LRRC4C: variants seen among roughly 807,000 people sequenced by gnomAD.
LRRC4C encodes leucine-rich repeat-containing protein 4C.
A neutral mutation model predicts 33.6 loss-of-function variants in LRRC4C; 5 were observed. The observed-to-expected ratio is 0.15, with a 90% CI of 0.08 to 0.31. The LOEUF (loss-of-function observed/expected upper bound fraction) is 0.31. Among genes scored for constraint, LRRC4C ranks in the 10% least tolerant of loss-of-function variants. The pLI, the probability that LRRC4C is intolerant of heterozygous loss-of-function variation, is 1.00. For synonymous variants in LRRC4C, 329 were observed against 302.0 expected (o/e 1.09, Z -0.93); for missense variants, 560 against 796.7 (o/e 0.70, Z 3.58).
intron 3 of LRRC4C, among the ~76,000 whole-genome samples, chr11:40,623,797 T>C (rs1213427794): frequency 6.6e-6 from 1 of 152,066 alleles, no homozygotes; most frequent in Admixed American, 6.6e-5. Flanking sequence ...AGAATGCATT[T>C]CCTTAAGCGA....
chr11:40,470,379 G>C (rs1206905747), intron 3 of LRRC4C, among the ~76,000 whole-genome samples: 1 of 152,066 alleles, frequency 6.6e-6, no homozygotes, highest in Non-Finnish European at 1.5e-5. Context: ...CCCATCTGAA[G>C]GTCATCAACA....
chr11:40,495,204 T>C (rs1417186965), intron 3 of LRRC4C, among the ~76,000 whole-genome samples: 2 of 152,304 alleles, frequency 1.3e-5, no homozygotes, highest in Admixed American at 6.5e-5. Context: ...CAAGTATTTA[T>C]AAACCCAAAT....
intron 3 of LRRC4C, among the ~76,000 whole-genome samples, chr11:40,327,795 A>G (rs565979030): frequency 6.6e-6 from 1 of 152,060 alleles, no homozygotes; most frequent in African/African-American, 2.4e-5. Context: ...GTTTCACTAC[A>G]CTCTACATTG....
intron 4 of LRRC4C, among the ~76,000 whole-genome samples, chr11:40,251,589 A>T (rs777142596): frequency 3.3e-5 from 5 of 152,234 alleles, no homozygotes; most frequent in Admixed American, 6.5e-5. Context: ...AGAACGGTTC[A>T]ATTCAAAGGT....
At chr11:41,220,159 TA>T (rs1947238414) in intron 1 of LRRC4C, among the ~76,000 whole-genome samples, 1 of 152,178 alleles carries the variant, frequency 6.6e-6, no homozygotes, top group Admixed American at 6.5e-5. Context: ...GGAATAATAG[TA>T]ATAATAATGT....
At chr11:40,368,078 G>A (rs906594913) in intron 3 of LRRC4C, among the ~76,000 whole-genome samples, 7 of 152,058 alleles carry the variant, frequency 4.6e-5, no homozygotes, top group East Asian at 3.9e-4. Flanking sequence ...CTTAAGGCAG[G>A]GACATTGGTA....
At chr11:41,301,485 T>G (rs1447124) in intron 1 of LRRC4C, among the ~76,000 whole-genome samples, 63,838 of 151,870 alleles carry the variant, frequency 0.42, 14,007 homozygotes, top group Non-Finnish European at 0.49. Context: ...GTTTTTCTTT[T>G]TCGTAATGCT....
In LRRC4C at chr11:40,637,280, GC is replaced by G. The variant is rs555233379; in HGVS notation, c.-270+10861del. On this transcript the variant is annotated intron_variant, in intron 3 of 6. Coordinates refer to ENST00000528697, the MANE Select transcript of LRRC4C (RefSeq NM_001258419.2). The stretch of plus-strand genomic sequence containing the variant: ...CCCTCCTTTGTATGTGAAATAATTT[GC>G]CTACAGGCTTCAACGTCCACCAATT... Among the ~76,000 whole-genome samples, 447 of 152,132 alleles carry G rather than the reference GC, an allele frequency of 2.9e-3. 1 individual carries two copies. The highest frequency in any genetic ancestry group is 0.01 in the African/African-American group (432 of 41,498).
At chr11:41,178,913 G>C (rs538096661) in intron 1 of LRRC4C, among the ~76,000 whole-genome samples, 5 of 152,072 alleles carry the variant, frequency 3.3e-5, no homozygotes, top group African/African-American at 9.6e-5. Flanking sequence ...ATCTTGGCCA[G>C]GCTGGCCTTG....
At chr11:40,678,567 C>G (rs1203601443) in intron 2 of LRRC4C, among the ~76,000 whole-genome samples, 3 of 152,068 alleles carry the variant, frequency 2.0e-5, no homozygotes, top group African/African-American at 7.2e-5. Context: ...ATAGGAGGGA[C>G]CCAGTGGGAG....
intron 1 of LRRC4C, among the ~76,000 whole-genome samples, chr11:41,308,781 C>T (rs1338375711): frequency 6.6e-6 from 1 of 151,912 alleles, no homozygotes; most frequent in Admixed American, 6.6e-5. Context: ...GTGCAGGAAA[C>T]CCCTGCAGAT....
intron 2 of LRRC4C, among the ~76,000 whole-genome samples, chr11:40,711,659 C>G (rs1946471102): frequency 6.7e-6 from 1 of 148,826 alleles, no homozygotes. Flanking sequence ...TAGACATGAC[C>G]TGAATAAAGA....
At chr11:41,069,406 G>A (rs1036339801) in intron 1 of LRRC4C, among the ~76,000 whole-genome samples, 1 of 152,142 alleles carries the variant, frequency 6.6e-6, no homozygotes, top group Non-Finnish European at 1.5e-5. Context: ...TTTAGTATTG[G>A]AAGTTCTGGC....
intron 2 of LRRC4C, among the ~76,000 whole-genome samples, chr11:40,892,557 T>C (rs1025595347): frequency 6.6e-6 from 1 of 152,090 alleles, no homozygotes; most frequent in Admixed American, 6.5e-5. Context: ...CATCAACAGA[T>C]GAATAAACAA....
At chr11:41,451,484 T>TA (rs991685224) in intron 1 of LRRC4C, among the ~76,000 whole-genome samples, 7 of 151,478 alleles carry the variant, frequency 4.6e-5, no homozygotes, top group African/African-American at 1.7e-4. Context: ...AGCAAAAGCT[T>TA]AAAAAAAATG....
At chr11:40,500,947 T>C (rs1954736118) in intron 3 of LRRC4C, among the ~76,000 whole-genome samples, 1 of 151,886 alleles carries the variant, frequency 6.6e-6, no homozygotes, top group Admixed American at 6.6e-5. Context: ...CAAAAGAAAG[T>C]TAGTTACTTC....
intron 5 of LRRC4C, among the ~76,000 whole-genome samples, chr11:40,161,158 C>G (rs1349247188): frequency 1.3e-5 from 2 of 152,140 alleles, no homozygotes; most frequent in East Asian, 3.9e-4. Flanking sequence ...TTTACAATTA[C>G]ATCCCAGAAT....
chr11:40,547,281 T>C (rs959870453), intron 3 of LRRC4C, among the ~76,000 whole-genome samples: 5 of 151,938 alleles, frequency 3.3e-5, no homozygotes, highest in Admixed American at 6.6e-5. Context: ...ATTCCAAAAC[T>C]TTTTTTTCAT....
intron 1 of LRRC4C, among the ~76,000 whole-genome samples, chr11:41,229,324 G>A (rs1947679779): frequency 6.6e-6 from 1 of 152,086 alleles, no homozygotes; most frequent in South Asian, 2.1e-4. Flanking sequence ...AACATGGTTG[G>A]CATTTGGATC....
Sources: gnomAD v4.1 joint callset for allele counts (sites outside exome capture counted in the v4.1 genomes callset) on GRCh38, gnomAD v4.1.1 for gene constraint, MANE v1.5 for transcripts, NCBI Gene and HGNC (gene_info 2026-07-23, HGNC 2026-07-21) for gene names.